ELMO1: variants seen among roughly 807,000 people sequenced by gnomAD.
ELMO1 encodes the protein engulfment and cell motility 1.
Under a neutral mutation model 98.9 loss-of-function variants are expected in ELMO1, and 26 were observed. The observed-to-expected ratio is 0.26, with a 90% CI of 0.19 to 0.36. The LOEUF (loss-of-function observed/expected upper bound fraction) is 0.36, where lower values mean the gene tolerates loss of function less well. Among genes scored for constraint, ELMO1 ranks in the 10% least tolerant of loss-of-function variants. The pLI is 1.00. For missense variants in ELMO1, 627 were observed against 935.2 expected (o/e 0.67, Z 4.30); for synonymous variants, 346 against 346.0 (o/e 1.00, Z 0.00).
At chr7:37,324,502 G>C (rs1187353082) in intron 2 of ELMO1, among the ~76,000 whole-genome samples, 2 of 152,228 alleles carry the variant, frequency 1.3e-5, no homozygotes, top group African/African-American at 4.8e-5. Flanking sequence ...ACAGACACGA[G>C]AAAAGGTTTT....
intron 16 of ELMO1, among the ~76,000 whole-genome samples, chr7:37,006,991 A>C (rs972902659): frequency 6.6e-6 from 1 of 152,206 alleles, no homozygotes; most frequent in African/African-American, 2.4e-5. Context: ...GGCAAACTCC[A>C]TGGAAATAGG....
chr7:37,219,065 G>A (rs938505760), intron 10 of ELMO1, among the ~76,000 whole-genome samples: 1 of 152,122 alleles, frequency 6.6e-6, no homozygotes, highest in African/African-American at 2.4e-5. Flanking sequence ...CCTCCTCCCC[G>A]ACAAAACTAG....
At chr7:36,888,553 C>T (rs887249101) in intron 17 of ELMO1, among the ~76,000 whole-genome samples, 1 of 152,198 alleles carries the variant, frequency 6.6e-6, no homozygotes, top group African/African-American at 2.4e-5. Flanking sequence ...TCACGACTAG[C>T]ATTTCCTGTA....
intron 16 of ELMO1, among the ~76,000 whole-genome samples, chr7:36,922,628 A>G (rs556514910): frequency 3.9e-5 from 6 of 152,330 alleles, no homozygotes; most frequent in South Asian, 2.1e-4. Context: ...AAAAATGAGA[A>G]GCTCCATCTT....
intron 15 of ELMO1, among the ~76,000 whole-genome samples, chr7:37,071,508 T>G (rs534968755): frequency 5.6e-4 from 86 of 152,306 alleles, no homozygotes; most frequent in African/African-American, 2.0e-3. Flanking sequence ...CAGAATCAAT[T>G]TTGGGTGTTT....
chr7:37,400,231 G>A (rs1296077824), intron 1 of ELMO1, among the ~76,000 whole-genome samples: 2 of 152,046 alleles, frequency 1.3e-5, no homozygotes, highest in Non-Finnish European at 2.9e-5. Context: ...CACACAGCAG[G>A]GCTCATTTAT....
rs566068728 is a variant in ELMO1, at chr7:37,445,221, G to A, written c.-74+3454C>T. 7.2e-5 allele frequency among the ~76,000 whole-genome samples: 11 copies of A among 152,312 alleles called. No individual in the cohort carries two copies. In the South Asian group the frequency reaches 2.1e-3, roughly 29 times the overall value. Reference sequence around the variant, plus strand: ...AAGCACTTCTCTGGTTGACTAGAAGGAACCAGAACTAAAGTTGCACAATTA... The same window carrying A: ...AAGCACTTCTCTGGTTGACTAGAAGAAACCAGAACTAAAGTTGCACAATTA... On this transcript the variant is annotated intron_variant, in intron 1 of 21. Transcript: ENST00000310758.
chr7:36,895,304 T>A (rs1805900934), intron 16 of ELMO1, among the ~76,000 whole-genome samples: 1 of 152,228 alleles, frequency 6.6e-6, no homozygotes, highest in African/African-American at 2.4e-5. Context: ...ATTATGTGAC[T>A]GCTGCTGACT....
intron 4 of ELMO1, among the ~76,000 whole-genome samples, chr7:37,313,255 C>T (rs1422550971): frequency 6.6e-6 from 1 of 152,074 alleles, no homozygotes; most frequent in African/African-American, 2.4e-5. Context: ...GATGGAGTCT[C>T]GCTCTGTCGC....
At chr7:37,084,454 G>C (rs959536161) in intron 15 of ELMO1, among the ~76,000 whole-genome samples, 1 of 152,092 alleles carries the variant, frequency 6.6e-6, no homozygotes, top group Admixed American at 6.6e-5. Context: ...GTCCTCAAAG[G>C]GCTTACAGTC....
chr7:37,112,150 T>C (rs1047209769), intron 14 of ELMO1, among the ~76,000 whole-genome samples: 1 of 152,114 alleles, frequency 6.6e-6, no homozygotes, highest in Non-Finnish European at 1.5e-5. Context: ...CTTTCATCAT[T>C]CATTTAATTT....
At chr7:37,042,773 A>ACTAAC (rs1279294438) in intron 15 of ELMO1, among the ~76,000 whole-genome samples, 5 of 152,078 alleles carry the variant, frequency 3.3e-5, no homozygotes, top group Admixed American at 6.6e-5. Context: ...CTAACTCCTC[A>ACTAAC]TGGCTGCTTT....
intron 1 of ELMO1, among the ~76,000 whole-genome samples, chr7:37,413,528 C>G (rs1223426491): frequency 7.2e-5 from 11 of 152,210 alleles, no homozygotes; most frequent in Admixed American, 7.2e-4. Context: ...ACCAAACTGT[C>G]TGAAGATATT....
intron 14 of ELMO1, among the ~76,000 whole-genome samples, chr7:37,123,379 T>G (rs922801935): frequency 3.3e-5 from 5 of 152,022 alleles, no homozygotes; most frequent in African/African-American, 1.2e-4. Flanking sequence ...ACAAAACTGA[T>G]AGACCACTAG....
chr7:37,158,525 T>C (rs1023763478), intron 13 of ELMO1, among the ~76,000 whole-genome samples: 2 of 152,192 alleles, frequency 1.3e-5, no homozygotes, highest in African/African-American at 4.8e-5. Flanking sequence ...AAAGAAGACA[T>C]TTATGCAGCC....
At chr7:36,917,482 A>C (rs916586109) in intron 16 of ELMO1, among the ~76,000 whole-genome samples, 1 of 152,246 alleles carries the variant, frequency 6.6e-6, no homozygotes, top group African/African-American at 2.4e-5. Context: ...AAAGGATATA[A>C]AAATGCAATT....
At chr7:37,169,531 A>G (rs555888708) in intron 13 of ELMO1, among the ~76,000 whole-genome samples, 5 of 152,302 alleles carry the variant, frequency 3.3e-5, no homozygotes, top group East Asian at 1.9e-4. Flanking sequence ...CAAATGTTCA[A>G]ATTGAGTCAC....
At chr7:37,021,997 T>A (rs950514543) in intron 15 of ELMO1, among the ~76,000 whole-genome samples, 2 of 152,050 alleles carry the variant, frequency 1.3e-5, no homozygotes. Flanking sequence ...ATGACAAAAA[T>A]GACACTGCAG....
At chr7:37,171,326 C>A (rs886712025) in intron 13 of ELMO1, among the ~76,000 whole-genome samples, 3 of 151,812 alleles carry the variant, frequency 2.0e-5, no homozygotes, top group African/African-American at 7.3e-5. Flanking sequence ...CTCAGTTGTA[C>A]ATAAAATGTG....
Sources: gnomAD v4.1 joint callset for allele counts (sites outside exome capture counted in the v4.1 genomes callset) on GRCh38, gnomAD v4.1.1 for gene constraint, MANE v1.5 for transcripts, NCBI Gene and HGNC (gene_info 2026-07-23, HGNC 2026-07-21) for gene names.